The following KDM6B variants were observed in gnomAD, a reference collection of about 807,000 sequenced individuals.
KDM6B encodes lysine-specific demethylase 6B.
Under a neutral mutation model 150.4 loss-of-function variants are expected in KDM6B, and 22 were observed. The observed-to-expected ratio is 0.15, with a 90% CI of 0.10 to 0.21. The LOEUF is 0.21. Among genes scored for constraint, KDM6B ranks in the 10% least tolerant of loss-of-function variants. The pLI is 1.00. For missense variants in KDM6B, 1,984 were observed against 2,234.3 expected, an observed-to-expected ratio of 0.89 and a Z score of 2.26; for synonymous variants, 1,148 against 921.1, an observed-to-expected ratio of 1.25 and a Z score of -4.46.
rs770483092 is a variant in KDM6B, at chr17:7,847,029, C to T, written c.909+13C>T. On this transcript the variant is annotated intron_variant, in intron 10 of 23. Coordinates refer to ENST00000448097, the MANE Select transcript of KDM6B (RefSeq NM_001348716.2). ...CCCAGAGCGCCAGGTGAGCCCCTGCCTGTTGCCTTTCACCTCTCACCTACA... is the reference window on the plus strand; with the variant it reads ...CCCAGAGCGCCAGGTGAGCCCCTGCTTGTTGCCTTTCACCTCTCACCTACA... 61 of 1,612,838 alleles carry T rather than the reference C, an allele frequency of 3.8e-5. No homozygotes were observed. Among genetic ancestry groups the T allele is most frequent in the Non-Finnish European group, 4.9e-5 (58 of 1,179,278 alleles).
At position 7,847,998 on chromosome 17, in the gene KDM6B, C is replaced by G; in HGVS notation, c.1710C>G (p.Ser570=). ...GCAGCAGCCCTGCTGGGCCTGTGTC[C>G]TTTCCCCCACCACCCTATCTGGCCA... ...SHSSSPAGPV[S]FPPPPYLARS... is the part of the protein sequence containing the mutation. The change falls in exon 12 of 24, where the codon TCC becomes TCG. Residue 570 remains serine (S), a synonymous_variant. Coordinates refer to ENST00000448097, the MANE Select transcript of KDM6B (RefSeq NM_001348716.2). The G allele has an allele frequency of 2.5e-6, 4 of 1,612,800 alleles. No individual in the cohort carries two copies. The highest frequency in any genetic ancestry group is 3.4e-6 in the Non-Finnish European group (4 of 1,179,696).
rs1459971133 is a variant in KDM6B at position 7,848,856 on chromosome 17, C to T, written c.2568C>T (p.Ser856=). The T allele has an allele frequency of 1.1e-5, 18 of 1,611,368 alleles. No individual in the cohort carries two copies. Among genetic ancestry groups the T allele is most frequent in the East Asian group, 4.5e-5 (2 of 44,830 alleles). Residue 856 remains serine (S), a synonymous_variant, in exon 12 of 24, where the codon AGC becomes AGT. Transcript: ENST00000448097. The part of the protein sequence containing the change: ...TALPPTSAAP[S]AQGSPQPSAS... ...TGCCGCCCACCTCAGCGGCCCCTAG[C>T]GCCCAGGGCTCCCCACAGCCCTCTG...
In KDM6B at chr17:7,854,703, G is replaced by GCCCCAGGGGCAGAGGGGTCTTCCCAA. The variant is rs2078776335; in HGVS notation, c.*1186_*1211dup. ...CACCCTCGCACTGCACTGTCTCTCT[G>GCCCCAGGGGCAGAGGGGTCTTCCCAA]CCCCAGGGGCAGAGGGGTCTTCCCA... On this transcript the variant is annotated 3_prime_UTR_variant, in exon 24 of 24. Transcript: ENST00000448097. 1 of 219,966 alleles carries GCCCCAGGGGCAGAGGGGTCTTCCCAA rather than the reference G, an allele frequency of 4.5e-6. No homozygotes were observed. The highest frequency in any genetic ancestry group is 5.2e-5 in the Admixed American group (1 of 19,150). The allele number at this position is 219,966 out of a possible 1,614,324, so 13.6% of individuals were successfully genotyped here.
At chr17:7,850,625 T>C (rs917132790) in intron 14 of KDM6B, among the ~76,000 whole-genome samples, 1 of 152,210 alleles carries the variant, frequency 6.6e-6, no homozygotes, top group Admixed American at 6.5e-5. Flanking sequence ...CTTGACTGAA[T>C]CTTTAATCTT....
intron 18 of KDM6B, 64 bp downstream of exon 18, chr17:7,851,860 C>A: frequency 6.4e-7 from 1 of 1,572,254 alleles, no homozygotes; most frequent in Non-Finnish European, 8.6e-7. Flanking sequence ...CGGCGGCGCT[C>A]AGCCGTCAGC....
chr17:7,840,780 G>A (rs1157400714), intron 2 of KDM6B: 2 of 152,182 alleles, frequency 1.3e-5, no homozygotes, highest in African/African-American at 4.8e-5. Context: ...GCACATTGGG[G>A]TGCATGGTGG....
At position 7,846,447 on chromosome 17, in the gene KDM6B, G is replaced by A. The variant is rs1025117457; in HGVS notation, c.504G>A (p.Lys168=). Residue 168 remains lysine (K), a synonymous_variant, in exon 8 of 24, where the codon AAG becomes AAA. Coordinates refer to ENST00000448097, the MANE Select transcript of KDM6B (RefSeq NM_001348716.2). ...CTGGCTCCTGCCAGCACCGAGCCAA[G>A]GTCCTGCCCCCACTGGAGCAAGTGT... ...FHTGSCQHRA[K]VLPPLEQVWN... The A allele has an allele frequency of 1.3e-5, 19 of 1,490,436 alleles. No homozygotes were observed. Among genetic ancestry groups the A allele is most frequent in the Non-Finnish European group, 1.6e-5 (18 of 1,103,772 alleles). The allele number at this position is 1,490,436 out of a possible 1,614,324, so 92.3% of individuals were successfully genotyped here. A position where few individuals can be genotyped will look rare whatever the true frequency, so the allele number is the denominator to read the frequency against.
chr17:7,853,388 C>CCCGG lies in KDM6B; in HGVS notation c.4908+10_4908+13dup, dbSNP rs2151380441. 2 of 1,541,272 alleles carry CCCGG rather than the reference C, an allele frequency of 1.3e-6. No individual in the cohort carries two copies. The highest frequency in any genetic ancestry group is 2.4e-5 in the South Asian group (2 of 84,384). ...TACGACGCCTTCACGCTGGTGAGGG[C>CCCGG]CCGGCGGGCGCGCGGGCAGCGGAGG... On this transcript the variant is annotated intron_variant, in intron 23 of 23. Coordinates refer to ENST00000448097, the MANE Select transcript of KDM6B (RefSeq NM_001348716.2).
intron 1 of KDM6B, among the ~76,000 whole-genome samples, chr17:7,835,767 C>T (rs1470400116): frequency 2.6e-5 from 4 of 151,392 alleles, no homozygotes; most frequent in African/African-American, 7.3e-5. Flanking sequence ...CTGCGCCGCA[C>T]GCGCCCGAGC....
rs59627144 is a variant in KDM6B, at chr17:7,848,540, TCAC to T, written c.2283_2285del (p.Thr762del). 3,602 of 1,500,396 alleles carry T rather than the reference TCAC, an allele frequency of 2.4e-3. No individual in the cohort carries two copies. Among genetic ancestry groups the T allele is most frequent in the South Asian group, 3.5e-3 (282 of 81,254 alleles). The allele number at this position is 1,500,396 out of a possible 1,614,324, so 92.9% of individuals were successfully genotyped here. A position where few individuals can be genotyped will look rare whatever the true frequency, so the allele number is the denominator to read the frequency against. The stretch of plus-strand genomic sequence containing the variant: ...ACCACTACTGCTCCTGCTGTCGCCG[TCAC>T]CACCACCACCACCACCACCACCACC... On this transcript the variant is annotated inframe_deletion, in exon 12 of 24. Transcript: ENST00000448097.
chr17:7,851,756 G>T lies in KDM6B; in HGVS notation c.4125G>T (p.Thr1375=). 1 of 1,555,764 alleles carries T rather than the reference G, an allele frequency of 6.4e-7. No individual in the cohort carries two copies. ...GCCACACCATCCTGGGCATGAACACGGTGCAGCTGTACATGAAGGTGCCCG... is the reference window on the plus strand; with the variant it reads ...GCCACACCATCCTGGGCATGAACACTGTGCAGCTGTACATGAAGGTGCCCG... ...HVGHTILGMN[T]VQLYMKVPGS... Residue 1375 remains threonine (T), a synonymous_variant, in exon 18 of 24, where the codon ACG becomes ACT. Transcript: ENST00000448097.
rs996663259 is a variant in KDM6B at position 7,849,151 on chromosome 17, C to T, written c.2863C>T (p.Pro955Ser). 2 of 1,611,544 alleles carry T rather than the reference C, an allele frequency of 1.2e-6. No individual in the cohort carries two copies. The highest frequency in any genetic ancestry group is 1.7e-6 in the Non-Finnish European group (2 of 1,179,532). ...CAGTGGGACTGAGCGACTGCTGCCC[C>T]CCGCACAGGCCAAGGAGGAGGCTGG... ...ADSGTERLLP[P>S]AQAKEEAGGV... Residue 955 changes from proline (P) to serine (S), a missense_variant, in exon 12 of 24, where the codon CCC becomes TCC. Coordinates refer to ENST00000448097, the MANE Select transcript of KDM6B (RefSeq NM_001348716.2).
chr17:7,842,112 C>G (rs905307807), intron 2 of KDM6B, among the ~76,000 whole-genome samples: 3 of 152,232 alleles, frequency 2.0e-5, no homozygotes, highest in Non-Finnish European at 2.9e-5. Context: ...GGCCTCTTAC[C>G]ACGCGTCCCG....
chr17:7,848,432 A>G lies in KDM6B; in HGVS notation c.2144A>G (p.His715Arg). The change falls in exon 12 of 24, where the codon CAC becomes CGC. Residue 715 changes from histidine (H) to arginine (R), a missense_variant. Around this residue, in one of 13 missense-constraint regions of KDM6B, gnomAD observed 1,379 missense variants for 1,275.6 expected, o/e 1.08. Coordinates refer to ENST00000448097, the MANE Select transcript of KDM6B (RefSeq NM_001348716.2). Reference sequence around the variant, plus strand: ...CGCAAGGAAGAGGAACAGCAACAACACGAAGCAGGCGTGGCCCCCCAACCC... The same window carrying G: ...CGCAAGGAAGAGGAACAGCAACAACGCGAAGCAGGCGTGGCCCCCCAACCC... ...SIRKEEEQQQ[H>R]EAGVAPQPPL... 1 of 1,613,026 alleles carries G rather than the reference A, an allele frequency of 6.2e-7. No homozygotes were observed. The highest frequency in any genetic ancestry group is 1.1e-5 in the South Asian group (1 of 91,086).
chr17:7,846,370 T>TGGG, intron 7 of KDM6B, 30 bp from the exon 8 acceptor site: 11 of 1,501,904 alleles, frequency 7.3e-6, no homozygotes, highest in South Asian at 1.2e-5. Flanking sequence ...ACCTGACATC[T>TGGG]GCCCCTGCCC....
intron 1 of KDM6B, among the ~76,000 whole-genome samples, chr17:7,836,377 C>T (rs762294553): frequency 6.6e-6 from 1 of 152,234 alleles, no homozygotes. Flanking sequence ...CTCTTCCTCT[C>T]GCCGTGTCCT....
Position 7,848,940 on chromosome 17 carries a change from G to T in KDM6B, c.2652G>T (p.Ala884=). 1.1e-5 allele frequency: 17 copies of T among 1,596,072 alleles called. No individual in the cohort carries two copies. Among genetic ancestry groups the T allele is most frequent in the African/African-American group, 1.3e-5 (1 of 74,418 alleles). The change falls in exon 12 of 24, where the codon GCG becomes GCT. Residue 884 remains alanine, a synonymous_variant. Transcript: ENST00000448097. ...SGGPWARERR[A]GEEPVPGPMT... The stretch of plus-strand genomic sequence containing the variant: ...GGCCCTGGGCCCGGGAGCGCAGGGC[G>T]GGCGAAGAGCCAGTCCCGGGCCCCA...
rs373724383 is a variant in KDM6B at position 7,850,161 on chromosome 17, G to A, written c.3657G>A (p.Ala1219=). 1.2e-5 allele frequency: 19 copies of A among 1,613,534 alleles called. No individual in the cohort carries two copies. The African/African-American group carries it at 1.3e-4, about 11-fold the overall frequency. ...CCATCACAGTGATCCGGGGCCTGGC[G>A]GGCTCCCTGCGGCTCAGTGAGTATG... The part of the protein sequence containing the change: ...RNPITVIRGL[A]GSLRLNLGLF... The change falls in exon 14 of 24, where the codon GCG becomes GCA. Residue 1219 remains alanine (A), a synonymous_variant. Coordinates refer to ENST00000448097, the MANE Select transcript of KDM6B (RefSeq NM_001348716.2).
intron 1 of KDM6B, among the ~76,000 whole-genome samples, chr17:7,834,790 C>A (rs1468989731): frequency 6.6e-6 from 1 of 152,180 alleles, no homozygotes; most frequent in Non-Finnish European, 1.5e-5. Context: ...CAGTTCTCTG[C>A]ACGGGTGAGG....
Sources: gnomAD v4.1 joint callset for allele counts (sites outside exome capture counted in the v4.1 genomes callset) on GRCh38, gnomAD v4.1.1 for gene constraint, gnomAD v4.1.1 regional missense constraint, MANE v1.5 for transcripts, NCBI Gene and HGNC (gene_info 2026-07-23, HGNC 2026-07-21) for gene names.